TULP4: variants seen among roughly 807,000 people sequenced by gnomAD.
The protein encoded by TULP4 is TUB like protein 4.
TULP4 carries 16 observed loss-of-function variants against 129.0 expected under a neutral mutation model. The observed-to-expected ratio is 0.12, with a 90% CI of 0.08 to 0.19. TULP4 has a LOEUF of 0.19. TULP4 is among the 10% of genes least tolerant of loss of function. The probability of loss-of-function intolerance (pLI) is 1.00; values close to 1 mark genes in which losing one functional copy is unlikely to be tolerated. For missense variants in TULP4, 1,842 were observed against 2,059.1 expected (o/e 0.89, Z 2.04); for synonymous variants, 998 against 854.0 (o/e 1.17, Z -2.94).
chr6:158,440,167 A>G (rs1017309166), intron 3 of TULP4, among the ~76,000 whole-genome samples: 1 of 151,920 alleles, frequency 6.6e-6, no homozygotes, highest in African/African-American at 2.4e-5. Flanking sequence ...AAAAAATACA[A>G]AAATTATCCG....
Position 158,388,394 on chromosome 6 carries a change from A to T in TULP4, c.253-24671A>T, listed in dbSNP as rs1321435593. On this transcript the variant is annotated intron_variant, in intron 1 of 13. Transcript: ENST00000367097. ...GCCCAGGCTGGAGTGCAGTGGGGTG[A>T]TCTCAACACACTGCAAGCTCCACCT... 3.4e-5 allele frequency among the ~76,000 whole-genome samples: 4 copies of T among 116,706 alleles called. No homozygotes were observed. The East Asian group carries it at 8.8e-4, about 26-fold the overall frequency. 76.6% of individuals were successfully genotyped at this position (116,706 alleles called of 152,430 possible).
chr6:158,274,764 G>A (rs1018083904), intron 1 of TULP4, among the ~76,000 whole-genome samples: 2 of 152,274 alleles, frequency 1.3e-5, no homozygotes, highest in South Asian at 2.1e-4. Flanking sequence ...GCAACAGAGC[G>A]AGACTCCGTC....
At chr6:158,284,848 G>C (rs1778809869) in intron 1 of TULP4, among the ~76,000 whole-genome samples, 1 of 152,180 alleles carries the variant, frequency 6.6e-6, no homozygotes, top group African/African-American at 2.4e-5. Flanking sequence ...CCCGAGGTGT[G>C]AGCCTCGGTT....
Position 158,301,148 on chromosome 6 carries a change from T to C in TULP4, n.117-10903T>C, listed in dbSNP as rs1342834350. ...CGGTTTCTATATTTTTAGTGGCATG[T>C]ACAACATAAGCAGAATCAGAGACAA... On this transcript the variant is annotated intron_variant and non_coding_transcript_variant, in intron 1 of 1. Transcript: ENST00000432358. 2.0e-5 allele frequency among the ~76,000 whole-genome samples: 3 copies of C among 152,216 alleles called. No individual in the cohort carries two copies. The East Asian group carries it at 5.8e-4, about 29-fold the overall frequency.
intron 1 of TULP4, among the ~76,000 whole-genome samples, chr6:158,378,229 A>T (rs1777236354): frequency 6.6e-6 from 1 of 152,200 alleles, no homozygotes; most frequent in South Asian, 2.1e-4. Context: ...GATTCAAAGG[A>T]TAAAGAAATA....
rs575173908 is a variant in TULP4, at chr6:158,236,346, A to C, written n.68+4043A>C. Among the ~76,000 whole-genome samples the C allele has an allele frequency of 1.2e-4, 19 of 152,384 alleles. 1 individual carries two copies. The South Asian group carries it at 3.9e-3, about 32-fold the overall frequency. ...GGAAAAATATGTGCAACATATATTA[A>C]ACATCTCAATTTATATAGACCCTTA... On this transcript the variant is annotated intron_variant and non_coding_transcript_variant, in intron 1 of 1. Transcript: ENST00000620026.
intron 1 of TULP4, among the ~76,000 whole-genome samples, chr6:158,288,993 A>G (rs1281823411): frequency 6.6e-6 from 1 of 152,160 alleles, no homozygotes; most frequent in African/African-American, 2.4e-5. Flanking sequence ...GAGTTTGTGT[A>G]ATACTGCTGT....
At chr6:158,480,823 G>A (rs1032367057) in intron 7 of TULP4, among the ~76,000 whole-genome samples, 1 of 152,130 alleles carries the variant, frequency 6.6e-6, no homozygotes, top group African/African-American at 2.4e-5. Flanking sequence ...ATTGTCTGAT[G>A]TGGGATCCTG....
At chr6:158,266,909 C>T (rs1778457824) in intron 1 of TULP4, among the ~76,000 whole-genome samples, 1 of 152,190 alleles carries the variant, frequency 6.6e-6, no homozygotes, top group South Asian at 2.1e-4. Flanking sequence ...CTATCCATCT[C>T]CAGAACTTTT....
intron 1 of TULP4, among the ~76,000 whole-genome samples, chr6:158,330,108 A>T (rs534880285): frequency 1.4e-5 from 2 of 147,758 alleles, no homozygotes; most frequent in Non-Finnish European, 3.0e-5. Context: ...TGTAATCGAT[A>T]TACAAACTAC....
upstream of TULP4, among the ~76,000 whole-genome samples, chr6:158,279,144 A>G (rs1172787237): frequency 2.6e-5 from 4 of 151,482 alleles, no homozygotes; most frequent in Admixed American, 6.6e-5. Context: ...GGGTTTCACC[A>G]TGTTAACCAG....
intron 1 of TULP4, among the ~76,000 whole-genome samples, chr6:158,329,895 G>A (rs1184660213): frequency 6.6e-6 from 1 of 152,122 alleles, no homozygotes; most frequent in South Asian, 2.1e-4. Context: ...TTTTCCCCTA[G>A]TAATGAAACA....
At chr6:158,397,170 C>G (rs1777737288) in intron 1 of TULP4, among the ~76,000 whole-genome samples, 1 of 152,194 alleles carries the variant, frequency 6.6e-6, no homozygotes, top group Admixed American at 6.5e-5. Flanking sequence ...TATGGAAACT[C>G]CCTTGAGTGA....
At chr6:158,476,079 A>G (rs1779810628) in intron 6 of TULP4, among the ~76,000 whole-genome samples, 1 of 152,174 alleles carries the variant, frequency 6.6e-6, no homozygotes, top group Admixed American at 6.5e-5. Context: ...AGTTCTTGTT[A>G]TCTGTCACTC....
intron 9 of TULP4, 54 bp downstream of exon 9, chr6:158,489,786 T>C: frequency 1.2e-6 from 2 of 1,603,990 alleles, no homozygotes; most frequent in Non-Finnish European, 1.7e-6. Flanking sequence ...AATATGTGTG[T>C]TTGTGCCTGC....
At chr6:158,454,921 A>C (rs1333605722) in intron 5 of TULP4, among the ~76,000 whole-genome samples, 1 of 152,002 alleles carries the variant, frequency 6.6e-6, no homozygotes, top group Non-Finnish European at 1.5e-5. Context: ...CAGCACTTCT[A>C]ACGTTTTGCA....
At chr6:158,391,380 A>G (rs1777581742) in intron 1 of TULP4, among the ~76,000 whole-genome samples, 1 of 152,180 alleles carries the variant, frequency 6.6e-6, no homozygotes. Context: ...TGTAGAGTGC[A>G]TCGTGTCACC....
At position 158,314,620 on chromosome 6, in the gene TULP4, G is replaced by A. The variant is rs181869310; in HGVS notation, c.252+352G>A. On this transcript the variant is annotated intron_variant, in intron 1 of 13. Transcript: ENST00000367097. Reference sequence around the variant, plus strand: ...ATTAGATGATCCTAACCAACTTTTCGTGCTCCAAGTCTACATGGCAAAGAG... The same window carrying A: ...ATTAGATGATCCTAACCAACTTTTCATGCTCCAAGTCTACATGGCAAAGAG... 1.7e-3 allele frequency among the ~76,000 whole-genome samples: 254 copies of A among 152,246 alleles called. 4 individuals are homozygous for A. The highest frequency in any genetic ancestry group is 2.9e-3 in the Non-Finnish European group (194 of 68,018).
chr6:158,450,716 G>A (rs1323520901), intron 4 of TULP4, among the ~76,000 whole-genome samples: 2 of 151,106 alleles, frequency 1.3e-5, no homozygotes, highest in Admixed American at 6.6e-5. Context: ...TCTTTAGTGG[G>A]TCAAATCTAG....
Sources: allele counts gnomAD v4.1 joint callset (sites outside exome capture counted in the v4.1 genomes callset), GRCh38; gene constraint gnomAD v4.1.1; transcripts MANE v1.5; gene names NCBI Gene and HGNC (gene_info 2026-07-23, HGNC 2026-07-21).